Variants in KCNAB1 observed in about 807,000 individuals in gnomAD.
KCNAB1 encodes voltage-gated potassium channel subunit beta-1.
Under a neutral mutation model 64.6 loss-of-function variants are expected in KCNAB1, and 35 were observed. The ratio of observed to expected loss-of-function variants is 0.54; its 90% CI spans 0.41 to 0.72. The LOEUF (loss-of-function observed/expected upper bound fraction) is 0.72, where lower values mean the gene tolerates loss of function less well. Among genes scored for constraint, KCNAB1 ranks in the 30% least tolerant of loss-of-function variants. The probability of loss-of-function intolerance (pLI) is 0.00; values close to 1 mark genes in which losing one functional copy is unlikely to be tolerated. For synonymous variants in KCNAB1, 177 were observed against 183.8 expected (o/e 0.96, Z 0.30); for missense variants, 401 against 512.9 (o/e 0.78, Z 2.11).
rs1719201210 is a variant in KCNAB1 at position 156,538,248 on chromosome 3, C to T, written c.*1501C>T. The T allele has an allele frequency of 6.6e-6, 1 of 152,014 alleles. No homozygotes were observed. The highest frequency in any genetic ancestry group is 2.1e-4 in the South Asian group (1 of 4,818). 9.4% of individuals were successfully genotyped at this position (152,014 alleles called of 1,614,324 possible). On this transcript the variant is annotated 3_prime_UTR_variant, in exon 14 of 14. Coordinates refer to ENST00000490337, the MANE Select transcript of KCNAB1 (RefSeq NM_172160.3). ...TTTAATTTTCTGGTCAGCAAGTTCCCCACACAGAAATCACTCTGAGGTTTA... is the reference window on the plus strand; with the variant it reads ...TTTAATTTTCTGGTCAGCAAGTTCCTCACACAGAAATCACTCTGAGGTTTA...
intron 1 of KCNAB1, among the ~76,000 whole-genome samples, chr3:156,159,593 C>A (rs899671364): frequency 3.3e-5 from 5 of 152,154 alleles, no homozygotes; most frequent in African/African-American, 1.2e-4. Context: ...TTGATTATGG[C>A]AGTGCCCCCT....
chr3:156,423,449 C>T (rs913336606), intron 2 of KCNAB1, among the ~76,000 whole-genome samples: 2 of 152,070 alleles, frequency 1.3e-5, no homozygotes, highest in African/African-American at 2.4e-5. Context: ...TCTTCTATTG[C>T]TTTTATATTC....
intron 1 of KCNAB1, among the ~76,000 whole-genome samples, chr3:156,243,155 G>A (rs749046150): frequency 4.6e-5 from 7 of 151,884 alleles, no homozygotes; most frequent in Non-Finnish European, 7.4e-5. Flanking sequence ...TGATCCACCC[G>A]CCTCGGCCTC....
chr3:156,526,238 CATAAG>C (rs1387086410), intron 12 of KCNAB1, among the ~76,000 whole-genome samples: 1 of 152,174 alleles, frequency 6.6e-6, no homozygotes, highest in Non-Finnish European at 1.5e-5. Context: ...ACTAGGTTTG[CATAAG>C]TACCCTATGA....
chr3:156,347,566 T>C (rs578065900), intron 1 of KCNAB1, among the ~76,000 whole-genome samples: 2 of 150,442 alleles, frequency 1.3e-5, no homozygotes, highest in Admixed American at 1.3e-4. Context: ...CACATTTTAT[T>C]CAGAAATGTG....
intron 1 of KCNAB1, among the ~76,000 whole-genome samples, chr3:156,322,337 A>G (rs1722712891): frequency 6.6e-6 from 1 of 152,204 alleles, no homozygotes; most frequent in Non-Finnish European, 1.5e-5. Context: ...AGCCCTTTGT[A>G]GTTATGGGTT....
At chr3:156,345,539 G>A (rs757279937) in intron 1 of KCNAB1, among the ~76,000 whole-genome samples, 1 of 152,208 alleles carries the variant, frequency 6.6e-6, no homozygotes. Context: ...GTGTTTGTAT[G>A]ACTACATTTG....
chr3:156,329,196 G>A (rs1187307126), intron 1 of KCNAB1, among the ~76,000 whole-genome samples: 1 of 152,044 alleles, frequency 6.6e-6, no homozygotes, highest in East Asian at 1.9e-4. Flanking sequence ...AATATCAAGA[G>A]GCAGGGCGAA....
rs111464239 is a variant in KCNAB1 at position 156,332,527 on chromosome 3, A to G, written c.276-89089A>G. Among the ~76,000 whole-genome samples the G allele has an allele frequency of 3.8e-3, 580 of 152,266 alleles. 1 individual carries two copies. The highest frequency in any genetic ancestry group is 0.014 in the Middle Eastern group (4 of 294). ...GGTTAGTTTCAACCAGTATTTGCCA[A>G]TGTTCACTGTGGTACAAGCACAGTT... is the stretch of plus-strand genomic sequence containing the variant. On this transcript the variant is annotated intron_variant, in intron 1 of 13. Transcript: ENST00000490337.
At chr3:156,167,273 C>T (rs115044532) in intron 1 of KCNAB1, among the ~76,000 whole-genome samples, 2 of 152,144 alleles carry the variant, frequency 1.3e-5, no homozygotes, top group African/African-American at 2.4e-5. Context: ...CAGACGGTGG[C>T]GTGTGAGACT....
intron 1 of KCNAB1, among the ~76,000 whole-genome samples, chr3:156,413,004 T>A (rs1483261588): frequency 6.6e-6 from 1 of 152,218 alleles, no homozygotes; most frequent in Non-Finnish European, 1.5e-5. Flanking sequence ...GTGCTGGAGT[T>A]ACTAGAATTA....
chr3:156,505,175 C>T (rs916323592), intron 8 of KCNAB1, among the ~76,000 whole-genome samples: 12 of 152,144 alleles, frequency 7.9e-5, no homozygotes, highest in Admixed American at 6.5e-4. Flanking sequence ...TTCCCTTTCC[C>T]CCAGTGAATG....
intron 1 of KCNAB1, among the ~76,000 whole-genome samples, chr3:156,134,109 T>G (rs780340346): frequency 2.0e-5 from 3 of 152,252 alleles, no homozygotes; most frequent in Non-Finnish European, 4.4e-5. Context: ...GGCTTTATTT[T>G]AACTTTCTAA....
chr3:156,509,019 C>T (rs1289549827), intron 8 of KCNAB1, among the ~76,000 whole-genome samples: 1 of 151,832 alleles, frequency 6.6e-6, no homozygotes, highest in Non-Finnish European at 1.5e-5. Flanking sequence ...AGGACCTGGA[C>T]CTCAGCATTT....
At chr3:156,170,615 C>G (rs1175929413) in intron 1 of KCNAB1, among the ~76,000 whole-genome samples, 1 of 152,174 alleles carries the variant, frequency 6.6e-6, no homozygotes, top group Non-Finnish European at 1.5e-5. Flanking sequence ...GTGCATGGTT[C>G]AGCCTGGTTC....
intron 1 of KCNAB1, among the ~76,000 whole-genome samples, chr3:156,163,337 A>AT (rs960057935): frequency 2.0e-5 from 3 of 151,992 alleles, no homozygotes; most frequent in African/African-American, 7.3e-5. Flanking sequence ...GTTTTATGGA[A>AT]TTTTTTTTAG....
intron 2 of KCNAB1, among the ~76,000 whole-genome samples, chr3:156,438,019 T>C (rs1253130557): frequency 2.0e-5 from 3 of 152,242 alleles, no homozygotes; most frequent in African/African-American, 7.2e-5. Context: ...AAAACATACC[T>C]GTGCCTGGGC....
chr3:156,459,035 A>G (rs1467330985), intron 4 of KCNAB1, among the ~76,000 whole-genome samples: 1 of 152,216 alleles, frequency 6.6e-6, no homozygotes, highest in Non-Finnish European at 1.5e-5. Flanking sequence ...AAGACCAATA[A>G]TGACTAGCCA....
At chr3:156,182,709 TTTTTA>T (rs1330013628) in intron 1 of KCNAB1, among the ~76,000 whole-genome samples, 23 of 151,002 alleles carry the variant, frequency 1.5e-4, no homozygotes, top group African/African-American at 4.1e-4. Context: ...TTTTTTTTTT[TTTTTA>T]TTTTGCGGAG....
Sources: gnomAD v4.1 joint callset for allele counts (sites outside exome capture counted in the v4.1 genomes callset) on GRCh38, gnomAD v4.1.1 for gene constraint, MANE v1.5 for transcripts, NCBI Gene and HGNC (gene_info 2026-07-23, HGNC 2026-07-21) for gene names.